ROBO2: variants seen among roughly 807,000 people sequenced by gnomAD.
ROBO2 encodes roundabout homolog 2.
ROBO2 carries 53 observed loss-of-function variants against 160.8 expected under a neutral mutation model. That is an observed-to-expected ratio of 0.33 (90% CI 0.26 to 0.41). The LOEUF is 0.41. Ranked by LOEUF, ROBO2 falls within the 10% of genes least tolerant of loss-of-function variation. The pLI is 1.00. For synonymous variants in ROBO2, 664 were observed against 611.7 expected, an observed-to-expected ratio of 1.09 and a Z score of -1.26; for missense variants, 1,577 against 1,722.4, an observed-to-expected ratio of 0.92 and a Z score of 1.49.
At chr3:77,466,837 C>A (rs1221716054) in intron 2 of ROBO2, among the ~76,000 whole-genome samples, 1 of 152,200 alleles carries the variant, frequency 6.6e-6, no homozygotes, top group Non-Finnish European at 1.5e-5. Flanking sequence ...GTGTAATAAT[C>A]CTTAGACTAT....
At chr3:76,850,821 T>C (rs2069270410) in intron 2 of ROBO2, among the ~76,000 whole-genome samples, 5 of 152,166 alleles carry the variant, frequency 3.3e-5, no homozygotes, top group Admixed American at 2.6e-4. Flanking sequence ...TTTTAGGATA[T>C]TATGGCAAAA....
At chr3:76,010,064 T>C (rs995673105) in intron 2 of ROBO2, among the ~76,000 whole-genome samples, 2 of 152,246 alleles carry the variant, frequency 1.3e-5, no homozygotes, top group African/African-American at 4.8e-5. Context: ...TTATTTAAGT[T>C]GGACATCTGT....
chr3:77,590,480 A>G (rs2094153583), intron 17 of ROBO2, among the ~76,000 whole-genome samples: 1 of 152,100 alleles, frequency 6.6e-6, no homozygotes, highest in African/African-American at 2.4e-5. Flanking sequence ...TTGCCCATCA[A>G]CCTTTCTGTT....
At chr3:77,269,382 C>T (rs189246870) in intron 2 of ROBO2, among the ~76,000 whole-genome samples, 359 of 152,284 alleles carry the variant, frequency 2.4e-3, no homozygotes, top group Admixed American at 3.6e-3. Flanking sequence ...ATAAACCATG[C>T]ATTCCCAATT....
chr3:76,258,136 T>A (rs900034295), intron 2 of ROBO2, among the ~76,000 whole-genome samples: 4 of 152,064 alleles, frequency 2.6e-5, no homozygotes, highest in Admixed American at 6.6e-5. Context: ...GTATTAAGCG[T>A]CTTATCAAAA....
intron 1 of ROBO2, among the ~76,000 whole-genome samples, chr3:75,907,979 A>T (rs1675612303): frequency 6.6e-6 from 1 of 152,010 alleles, no homozygotes; most frequent in African/African-American, 2.4e-5. Context: ...TCATGATTGT[A>T]AGAATTTACT....
At chr3:76,925,457 A>G (rs2076936506) in intron 2 of ROBO2, among the ~76,000 whole-genome samples, 1 of 152,172 alleles carries the variant, frequency 6.6e-6, no homozygotes, top group Non-Finnish European at 1.5e-5. Flanking sequence ...CAGTTTTACT[A>G]AAATATCAAG....
intron 2 of ROBO2, among the ~76,000 whole-genome samples, chr3:76,862,623 T>C (rs3884318): frequency 0.17 from 25,102 of 151,912 alleles, 2,495 homozygotes; most frequent in East Asian, 0.36. Flanking sequence ...TTCAGAGATA[T>C]GGATATTCCT....
intron 6 of ROBO2, among the ~76,000 whole-genome samples, chr3:77,543,331 C>T (rs1380063933): frequency 6.6e-6 from 1 of 152,152 alleles, no homozygotes; most frequent in Non-Finnish European, 1.5e-5. Context: ...ATTTGGCTTC[C>T]CATCTCCTGT....
chr3:76,920,721 A>T (rs564572305), intron 2 of ROBO2, among the ~76,000 whole-genome samples: 1 of 152,390 alleles, frequency 6.6e-6, no homozygotes, highest in East Asian at 1.9e-4. Flanking sequence ...TACATATTGC[A>T]TATGTTCAAC....
intron 2 of ROBO2, among the ~76,000 whole-genome samples, chr3:76,775,057 A>G (rs1282540469): frequency 6.6e-6 from 1 of 150,694 alleles, no homozygotes; most frequent in African/African-American, 2.4e-5. Flanking sequence ...TAAAACTACA[A>G]AATGACCAAA....
chr3:77,244,952 CT>C (rs11449199), intron 2 of ROBO2, among the ~76,000 whole-genome samples: 7 of 145,218 alleles, frequency 4.8e-5, no homozygotes, highest in Admixed American at 6.9e-5. Flanking sequence ...AAATGAACAG[CT>C]TTTTTTTTTT....
At chr3:77,108,553 G>A (rs1480032695) in intron 2 of ROBO2, among the ~76,000 whole-genome samples, 2 of 152,102 alleles carry the variant, frequency 1.3e-5, no homozygotes, top group African/African-American at 2.4e-5. Flanking sequence ...ACGGGTTAAA[G>A]AGCACCTCTG....
At chr3:76,793,189 T>A (rs888760831) in intron 2 of ROBO2, among the ~76,000 whole-genome samples, 5 of 151,782 alleles carry the variant, frequency 3.3e-5, no homozygotes, top group Admixed American at 2.0e-4. Context: ...ATTAAAAAAA[T>A]TAAGATATAA....
chr3:76,293,829 G>A (rs543382002), intron 2 of ROBO2, among the ~76,000 whole-genome samples: 1 of 152,170 alleles, frequency 6.6e-6, no homozygotes, highest in South Asian at 2.1e-4. Flanking sequence ...CCAAGTTTTT[G>A]TTCTATTATG....
chr3:77,040,232 G>A (rs1276997744), exon 1 of ROBO2: 3 of 987,812 alleles, frequency 3.0e-6, no homozygotes, highest in Non-Finnish European at 3.6e-6. Context: ...GCAAAGTGTT[G>A]CTTTGACACA....
intron 2 of ROBO2, among the ~76,000 whole-genome samples, chr3:76,326,307 G>T (rs2073012643): frequency 6.6e-6 from 1 of 152,076 alleles, no homozygotes; most frequent in African/African-American, 2.4e-5. Flanking sequence ...TGTAAGAATA[G>T]TCACTTTAGT....
intron 2 of ROBO2, among the ~76,000 whole-genome samples, chr3:76,630,035 C>T (rs2089926772): frequency 6.6e-6 from 1 of 152,140 alleles, no homozygotes; most frequent in Non-Finnish European, 1.5e-5. Context: ...TTTGCTGCTG[C>T]CTCCCCGCTT....
chr3:76,987,938 A>G (rs997969158), intron 2 of ROBO2, among the ~76,000 whole-genome samples: 2 of 152,156 alleles, frequency 1.3e-5, no homozygotes, highest in Admixed American at 1.3e-4. Context: ...AAATTAAGTG[A>G]TATTAAAATA....
Sources: allele counts gnomAD v4.1 joint callset (sites outside exome capture counted in the v4.1 genomes callset), GRCh38; gene constraint gnomAD v4.1.1; transcripts MANE v1.5; gene names NCBI Gene and HGNC (gene_info 2026-07-23, HGNC 2026-07-21).